RAVER2: variants seen among roughly 807,000 people sequenced by gnomAD.
RAVER2 encodes the protein ribonucleoprotein PTB-binding 2.
In RAVER2, 46 loss-of-function variants were observed where a neutral mutation model predicts 78.1. The observed-to-expected ratio is 0.59, with a 90% confidence interval of 0.46 to 0.75. The LOEUF (loss-of-function observed/expected upper bound fraction) is 0.75, where lower values mean the gene tolerates loss of function less well. Among genes scored for constraint, RAVER2 ranks in the 30% least tolerant of loss-of-function variants. The pLI is 0.00. For missense variants in RAVER2, 793 were observed against 837.5 expected (o/e 0.95, Z 0.66); for synonymous variants, 311 against 313.3 (o/e 0.99, Z 0.08).
At chr1:64,821,852 G>A (rs1023777661) in intron 11 of RAVER2, among the ~76,000 whole-genome samples, 2 of 152,144 alleles carry the variant, frequency 1.3e-5, no homozygotes, top group African/African-American at 4.8e-5. Flanking sequence ...CTGGACACAG[G>A]AACGCACAAA....
chr1:64,789,335 G>T, intron 4 of RAVER2, 53 bp from the exon 5 acceptor site: 1 of 1,414,278 alleles, frequency 7.1e-7, no homozygotes, highest in Non-Finnish European at 9.4e-7. Context: ...CTTTGAAATT[G>T]TGTCTTTGTA....
chr1:64,748,936 G>A (rs1260523313), intron 1 of RAVER2, among the ~76,000 whole-genome samples: 1 of 152,112 alleles, frequency 6.6e-6, no homozygotes, highest in Non-Finnish European at 1.5e-5. Context: ...CTTCCAGGCT[G>A]AAGCGATTCT....
Position 64,745,303 on chromosome 1 carries a change from C to G in RAVER2, c.131C>G (p.Pro44Arg), listed in dbSNP as rs1309533087. The G allele has an allele frequency of 1.3e-6, 2 of 1,506,088 alleles. No homozygotes were observed. Among genetic ancestry groups the G allele is most frequent in the Non-Finnish European group, 1.8e-6 (2 of 1,125,312 alleles). 93.3% of individuals were successfully genotyped at this position (1,506,088 alleles called of 1,614,324 possible). A position where few individuals can be genotyped will look rare whatever the true frequency, so the allele number is the denominator to read the frequency against. Reference sequence around the variant, plus strand: ...GAAGCGCACGAGGGCGCCCCGGACCCGATGCCCGCCGCGCTGCACCCTGAG... The same window carrying G: ...GAAGCGCACGAGGGCGCCCCGGACCGGATGCCCGCCGCGCTGCACCCTGAG... The change falls in exon 1 of 12, where the codon CCG becomes CGG. Residue 44 changes from proline (P) to arginine (R), a missense_variant. By Grantham distance (103) the Pro-to-Arg change is moderately radical. Transcript: ENST00000294428. This position sits in a 1 kb window ranked among gnomAD's most constrained non-coding sequence, Gnocchi z 4.3.
chr1:64,754,293 T>C (rs1224378140), intron 1 of RAVER2, among the ~76,000 whole-genome samples: 1 of 152,210 alleles, frequency 6.6e-6, no homozygotes, highest in African/African-American at 2.4e-5. Context: ...TCTCCCATTG[T>C]ATTATAATTC....
chr1:64,791,458 T>C (rs1652939975), intron 5 of RAVER2, among the ~76,000 whole-genome samples: 1 of 152,118 alleles, frequency 6.6e-6, no homozygotes. Context: ...ATGAGTTACC[T>C]CAGTAGCATA....
intron 4 of RAVER2, among the ~76,000 whole-genome samples, chr1:64,784,756 T>C (rs1652732263): frequency 6.6e-6 from 1 of 152,236 alleles, no homozygotes; most frequent in African/African-American, 2.4e-5. Flanking sequence ...ACTAAAACTA[T>C]GTGAATCAAA....
At chr1:64,761,777 T>A (rs1162712861) in intron 1 of RAVER2, among the ~76,000 whole-genome samples, 3 of 152,120 alleles carry the variant, frequency 2.0e-5, no homozygotes, top group Non-Finnish European at 2.9e-5. Context: ...AACATGATTG[T>A]GTATATAGAA....
At chr1:64,774,842 C>T (rs1652418486) in intron 2 of RAVER2, among the ~76,000 whole-genome samples, 1 of 152,128 alleles carries the variant, frequency 6.6e-6, no homozygotes, top group Admixed American at 6.6e-5. Context: ...TGTGTCCTCT[C>T]TTATTTCATT....
chr1:64,748,814 C>T (rs530885318), intron 1 of RAVER2, among the ~76,000 whole-genome samples: 2 of 152,250 alleles, frequency 1.3e-5, no homozygotes, highest in East Asian at 1.9e-4. Flanking sequence ...CCCCTGCCTA[C>T]GTTTCCAGTC....
chr1:64,747,163 C>G (rs1167797312), intron 1 of RAVER2, among the ~76,000 whole-genome samples: 1 of 152,164 alleles, frequency 6.6e-6, no homozygotes, highest in Non-Finnish European at 1.5e-5. Flanking sequence ...CAGAATTACA[C>G]TGGGATTTGT....
At chr1:64,771,845 G>C (rs766952294) in intron 2 of RAVER2, among the ~76,000 whole-genome samples, 3 of 149,878 alleles carry the variant, frequency 2.0e-5, no homozygotes, top group African/African-American at 7.5e-5. Flanking sequence ...AGTGGTGTTC[G>C]TGGAAACAGA....
intron 11 of RAVER2, among the ~76,000 whole-genome samples, chr1:64,824,803 C>G (rs1045694286): frequency 6.6e-6 from 1 of 151,652 alleles, no homozygotes; most frequent in Admixed American, 6.6e-5. Context: ...TGGTGGTGCA[C>G]GCTTGTAATC....
At chr1:64,779,899 G>A (rs963857004) in intron 3 of RAVER2, among the ~76,000 whole-genome samples, 1 of 151,810 alleles carries the variant, frequency 6.6e-6, no homozygotes, top group Non-Finnish European at 1.5e-5. Context: ...CTTCAAAAGA[G>A]TGGAAAATTA....
chr1:64,795,184 CTT>C (rs1323770250), intron 5 of RAVER2, among the ~76,000 whole-genome samples: 1 of 152,236 alleles, frequency 6.6e-6, no homozygotes, highest in East Asian at 1.9e-4. Flanking sequence ...CCAGTACTGT[CTT>C]TATATCAATA....
intron 1 of RAVER2, among the ~76,000 whole-genome samples, chr1:64,758,297 G>T (rs1651910205): frequency 6.6e-6 from 1 of 152,186 alleles, no homozygotes; most frequent in South Asian, 2.1e-4. Context: ...CTATAATGAG[G>T]TATCACACTG....
chr1:64,795,159 A>T (rs1426408086), intron 5 of RAVER2, among the ~76,000 whole-genome samples: 1 of 152,138 alleles, frequency 6.6e-6, no homozygotes, highest in Non-Finnish European at 1.5e-5. Flanking sequence ...CATTGACCTA[A>T]ATGTCTGTCT....
rs374281083 is a variant in RAVER2 at position 64,805,768 on chromosome 1, G to A, written c.1411+663G>A. Among the ~76,000 whole-genome samples the A allele has an allele frequency of 1.9e-4, 29 of 152,264 alleles. 5 individuals carry two copies. The highest frequency in any genetic ancestry group is 5.8e-4 in the East Asian group (3 of 5,186). On this transcript the variant is annotated intron_variant, in intron 8 of 11. Coordinates refer to ENST00000294428, the Ensembl canonical transcript of RAVER2. The stretch of plus-strand genomic sequence containing the variant: ...TTAAAAAAAAGTCAATTAAATATGC[G>A]TAGCTTACTTAACCTTTTGTCCAGT...
At chr1:64,786,937 G>A (rs1652797930) in intron 4 of RAVER2, among the ~76,000 whole-genome samples, 1 of 152,120 alleles carries the variant, frequency 6.6e-6, no homozygotes, top group Non-Finnish European at 1.5e-5. Flanking sequence ...ATAATACTAA[G>A]CTTATAGAAT....
At chr1:64,768,162 A>C (rs1220351266) in intron 1 of RAVER2, among the ~76,000 whole-genome samples, 1 of 152,018 alleles carries the variant, frequency 6.6e-6, no homozygotes, top group Non-Finnish European at 1.5e-5. Flanking sequence ...AAAGCTCTAT[A>C]GCATGCAGAA....
Sources: allele counts gnomAD v4.1 joint callset (sites outside exome capture counted in the v4.1 genomes callset), GRCh38; gene constraint gnomAD v4.1.1; non-coding constraint Gnocchi (gnomAD v3.1); transcripts MANE v1.5; gene names NCBI Gene and HGNC (gene_info 2026-07-23, HGNC 2026-07-21).